Variants in SMARCC1 observed in about 807,000 individuals in gnomAD.
The protein encoded by SMARCC1 is SWI/SNF complex subunit SMARCC1.
In SMARCC1, 43 loss-of-function variants were observed where a neutral mutation model predicts 147.4. The ratio of observed to expected loss-of-function variants is 0.29; its 90% CI spans 0.23 to 0.38. The LOEUF (loss-of-function observed/expected upper bound fraction) is 0.38, where lower values mean the gene tolerates loss of function less well. SMARCC1 is among the 10% of genes least tolerant of loss of function. SMARCC1 has a pLI of 1.00. For missense variants in SMARCC1, 1,119 were observed against 1,381.1 expected, an observed-to-expected ratio of 0.81 and a Z score of 3.01; for synonymous variants, 495 against 484.4, an observed-to-expected ratio of 1.02 and a Z score of -0.29.
At chr3:47,775,765 G>C (rs903276151) in intron 1 of SMARCC1, among the ~76,000 whole-genome samples, 1 of 151,990 alleles carries the variant, frequency 6.6e-6, no homozygotes, top group Non-Finnish European at 1.5e-5. Flanking sequence ...GTGCACTCCA[G>C]CCTGGGTGAC....
intron 18 of SMARCC1, 91 bp from the exon 19 acceptor site, chr3:47,670,808 T>G: frequency 1.3e-6 from 1 of 797,384 alleles, no homozygotes; most frequent in Non-Finnish European, 2.3e-6. Context: ...GGGGACTGTG[T>G]TACGCAAACT....
intron 21 of SMARCC1, among the ~76,000 whole-genome samples, chr3:47,646,259 T>C (rs1362328575): frequency 1.3e-5 from 2 of 152,232 alleles, no homozygotes; most frequent in Non-Finnish European, 2.9e-5. Flanking sequence ...TTAAATCTCT[T>C]ATATCTCTTG....
At chr3:47,755,808 T>C (rs926300736) in intron 2 of SMARCC1, among the ~76,000 whole-genome samples, 3 of 151,066 alleles carry the variant, frequency 2.0e-5, no homozygotes, top group Non-Finnish European at 4.4e-5. Context: ...CTGACCAACA[T>C]GGTGAAACAC....
At chr3:47,714,553 T>C (rs1326033701) in intron 7 of SMARCC1, 63 bp from the exon 8 acceptor site, 4 of 821,196 alleles carry the variant, frequency 4.9e-6, no homozygotes, top group Admixed American at 2.4e-5. Context: ...AGAAAGACTT[T>C]TACAAATAAT....
At chr3:47,706,323 C>T in intron 10 of SMARCC1, 86 bp downstream of exon 10, 1 of 1,300,454 alleles carries the variant, frequency 7.7e-7, no homozygotes, top group Non-Finnish European at 1.0e-6. Context: ...CTGCCCACCT[C>T]AGCCTCCAAA....
At chr3:47,608,225 C>A (rs2032509420) in intron 26 of SMARCC1, among the ~76,000 whole-genome samples, 1 of 152,168 alleles carries the variant, frequency 6.6e-6, no homozygotes, top group African/African-American at 2.4e-5. Flanking sequence ...GTAGATGGGA[C>A]TGCAGATGTG....
intron 21 of SMARCC1, among the ~76,000 whole-genome samples, chr3:47,648,152 A>G (rs994020548): frequency 2.0e-5 from 3 of 151,582 alleles, no homozygotes; most frequent in African/African-American, 7.3e-5. Flanking sequence ...GCGCCACCAC[A>G]CCCAGCTAAT....
chr3:47,697,145 A>G (rs971641593), intron 11 of SMARCC1, among the ~76,000 whole-genome samples: 5 of 152,142 alleles, frequency 3.3e-5, no homozygotes. Flanking sequence ...GTATGGCAAG[A>G]CCGTGTCTCT....
intron 21 of SMARCC1, among the ~76,000 whole-genome samples, chr3:47,658,448 T>G (rs1301837194): frequency 6.6e-6 from 1 of 152,242 alleles, no homozygotes; most frequent in Non-Finnish European, 1.5e-5. Flanking sequence ...ATTCCGCTTA[T>G]GCAGAGCAAC....
chr3:47,672,267 T>C (rs1240249324), intron 18 of SMARCC1, among the ~76,000 whole-genome samples: 1 of 151,856 alleles, frequency 6.6e-6, no homozygotes, highest in Non-Finnish European at 1.5e-5. Context: ...CAGGCTGGAG[T>C]GCAGTGGCAC....
chr3:47,617,029 T>A (rs1297394037), intron 25 of SMARCC1, among the ~76,000 whole-genome samples: 1 of 152,224 alleles, frequency 6.6e-6, no homozygotes, highest in Non-Finnish European at 1.5e-5. Flanking sequence ...ATCTATTCAC[T>A]ATCTGGAGTA....
chr3:47,723,806 C>T (rs1170864795), intron 6 of SMARCC1, among the ~76,000 whole-genome samples: 4 of 150,990 alleles, frequency 2.6e-5, no homozygotes, highest in South Asian at 2.1e-4. Context: ...AGTGAAACTC[C>T]GTCTCAAAAA....
At chr3:47,675,193 A>G (rs1322679965) in intron 18 of SMARCC1, among the ~76,000 whole-genome samples, 10 of 152,062 alleles carry the variant, frequency 6.6e-5, no homozygotes. Context: ...TCGTTATTAA[A>G]CCTATCAAAT....
At chr3:47,716,836 C>T (rs2034161773) in intron 7 of SMARCC1, among the ~76,000 whole-genome samples, 1 of 152,138 alleles carries the variant, frequency 6.6e-6, no homozygotes, top group Non-Finnish European at 1.5e-5. Flanking sequence ...TAAAAATAAG[C>T]TGGGCCTAGT....
At chr3:47,600,465 C>T (rs556666944) in intron 26 of SMARCC1, among the ~76,000 whole-genome samples, 1 of 152,184 alleles carries the variant, frequency 6.6e-6, no homozygotes, top group East Asian at 1.9e-4. Flanking sequence ...TCTGAAGTCT[C>T]CAGGTTGTTA....
At position 47,635,433 on chromosome 3, in the gene SMARCC1, C is replaced by T. The variant is rs1242795732; in HGVS notation, c.2492-89G>A. 15 of 1,126,554 alleles carry T rather than the reference C, an allele frequency of 1.3e-5. No homozygotes were observed. In the East Asian group the frequency reaches 3.5e-4, roughly 26 times the overall value. 69.8% of individuals were successfully genotyped at this position (1,126,554 alleles called of 1,614,324 possible). A position where few individuals can be genotyped will look rare whatever the true frequency, so the allele number is the denominator to read the frequency against. ...CCTCCACCACTATAACAAACTAGGA[C>T]TGATATGACAAAGAGATGTCAATGC... On this transcript the variant is annotated intron_variant, in intron 23 of 27. Transcript: ENST00000254480.
intron 3 of SMARCC1, among the ~76,000 whole-genome samples, chr3:47,742,329 G>A (rs1381512079): frequency 6.6e-6 from 1 of 151,266 alleles, no homozygotes; most frequent in Non-Finnish European, 1.5e-5. Context: ...AATAAACAAC[G>A]TCCTAATCTC....
intron 25 of SMARCC1, among the ~76,000 whole-genome samples, chr3:47,618,131 C>G (rs1009459696): frequency 6.6e-6 from 1 of 152,012 alleles, no homozygotes; most frequent in Admixed American, 6.6e-5. Context: ...AGCAGAGCAG[C>G]GTTGTGTATT....
At chr3:47,634,718 C>T (rs774099301) in intron 24 of SMARCC1, among the ~76,000 whole-genome samples, 1 of 152,166 alleles carries the variant, frequency 6.6e-6, no homozygotes, top group Non-Finnish European at 1.5e-5. Context: ...CCCAGAAAAG[C>T]TGGCAAATTC....
Sources: allele counts gnomAD v4.1 joint callset (sites outside exome capture counted in the v4.1 genomes callset), GRCh38; gene constraint gnomAD v4.1.1; transcripts MANE v1.5; gene names NCBI Gene and HGNC (gene_info 2026-07-23, HGNC 2026-07-21).